Variants in DLEC1 observed in about 807,000 individuals in gnomAD.
DLEC1 encodes the protein DLEC1 cilia and flagella associated protein.
Under a neutral mutation model 198.1 loss-of-function variants are expected in DLEC1, and 146 were observed. The observed-to-expected ratio is 0.74, with a 90% CI of 0.64 to 0.85. The LOEUF is 0.85. Among genes scored for constraint, DLEC1 ranks in the 40% least tolerant of loss-of-function variants. The pLI is 0.00. For missense variants in DLEC1, 2,233 were observed against 2,220.0 expected (o/e 1.01, Z -0.12); for synonymous variants, 897 against 866.8 (o/e 1.03, Z -0.61).
At chr3:38,122,259 C>T in intron 36 of DLEC1, 30 bp from the exon 37 acceptor site, 8 of 1,608,388 alleles carry the variant, frequency 5.0e-6, no homozygotes, top group Non-Finnish European at 6.8e-6. Flanking sequence ...CAGGTGCCTC[C>T]TAACCTCAGC....
intron 2 of DLEC1, among the ~76,000 whole-genome samples, chr3:38,058,480 C>G (rs1696501276): frequency 6.6e-6 from 1 of 152,126 alleles, no homozygotes; most frequent in South Asian, 2.1e-4. Context: ...CACTCCCAGG[C>G]CAGCATTGCC....
chr3:38,114,302 C>T, intron 25 of DLEC1, 40 bp from the exon 26 acceptor site: 1 of 1,604,918 alleles, frequency 6.2e-7, no homozygotes, highest in Non-Finnish European at 8.5e-7. Flanking sequence ...GTGGTCGCAA[C>T]CGGTGACAGG....
chr3:38,084,437 G>GGTGGTGGTAGTAGTAGTGGTAGTAGTA (rs1698275297), intron 7 of DLEC1, among the ~76,000 whole-genome samples, 192 bp downstream of exon 7: 1 of 2,176 alleles, frequency 4.6e-4, no homozygotes, highest in Non-Finnish European at 9.2e-4. Flanking sequence ...TAGTAGTAGT[G>GGTGGTGGTAGTAGTAGTGGTAGTAGTA]GTGGTGGTGG....
chr3:38,076,279 C>T (rs566682760), intron 6 of DLEC1, among the ~76,000 whole-genome samples: 20 of 152,152 alleles, frequency 1.3e-4, no homozygotes, highest in East Asian at 3.9e-4. Context: ...GACCTGAGGT[C>T]GTAGGTGGTT....
chr3:38,122,489 C>T lies in DLEC1; in HGVS notation c.*77C>T. The T allele has an allele frequency of 6.2e-7, 1 of 1,613,136 alleles. No homozygotes were observed. Among genetic ancestry groups the T allele is most frequent in the South Asian group, 1.1e-5 (1 of 90,550 alleles). On this transcript the variant is annotated 3_prime_UTR_variant, in exon 37 of 37. Coordinates refer to ENST00000308059, the MANE Select transcript of DLEC1 (RefSeq NM_007335.4). ...CCAGGGATTAGGAGCAGCTCTTCAG[C>T]ACAAAGACACAGACTTGGGGACCTG...
chr3:38,116,950 G>A (rs1316782042), intron 29 of DLEC1, 25 bp from the exon 30 acceptor site: 8 of 1,613,316 alleles, frequency 5.0e-6, no homozygotes, highest in East Asian at 2.2e-5. Flanking sequence ...ATGGGACAGT[G>A]CTAAGGCTGC....
chr3:38,103,701 C>G (rs113557801), intron 19 of DLEC1: 1 of 152,272 alleles, frequency 6.6e-6, no homozygotes, highest in South Asian at 2.1e-4. Flanking sequence ...GAGATACGTA[C>G]GACTCTTCTT....
At position 38,084,309 on chromosome 3, in the gene DLEC1, ATAG is replaced by A. The variant is rs1353632998; in HGVS notation, c.1261+72_1261+74del. On this transcript the variant is annotated intron_variant, in intron 7 of 36. Coordinates refer to ENST00000308059, the MANE Select transcript of DLEC1 (RefSeq NM_007335.4). ...AATAGTAGTGGTGGTATTAGTAGTA[ATAG>A]TAGTAGTGGTGGTAGTAATGGTAGC... The A allele has an allele frequency of 2.3e-5, 32 of 1,387,960 alleles. 1 individual carries two copies. Among genetic ancestry groups the A allele is most frequent in the African/African-American group, 1.6e-4 (10 of 62,210 alleles). The allele number at this position is 1,387,960 out of a possible 1,614,324, so 86.0% of individuals were successfully genotyped here. A position where few individuals can be genotyped will look rare whatever the true frequency, so the allele number is the denominator to read the frequency against.
chr3:38,122,255 C>T (rs749260385), intron 36 of DLEC1, 34 bp from the exon 37 acceptor site: 2 of 1,607,028 alleles, frequency 1.2e-6, no homozygotes, highest in South Asian at 2.2e-5. Context: ...TGCCCAGGTG[C>T]CTCCTAACCT....
chr3:38,102,682 G>A (rs1699365714), intron 19 of DLEC1, among the ~76,000 whole-genome samples: 1 of 151,972 alleles, frequency 6.6e-6, no homozygotes, highest in Non-Finnish European at 1.5e-5. Context: ...TGAAGTACAT[G>A]TGAGTCACCA....
At chr3:38,074,632 T>C (rs1416774233) in intron 6 of DLEC1, among the ~76,000 whole-genome samples, 2 of 152,196 alleles carry the variant, frequency 1.3e-5, no homozygotes, top group Non-Finnish European at 1.5e-5. Context: ...GGTAGTTCCA[T>C]TGGGGATCCT....
intron 26 of DLEC1, among the ~76,000 whole-genome samples, 159 bp from the exon 27 acceptor site, chr3:38,114,824 G>C (rs986070012): frequency 6.6e-6 from 1 of 152,158 alleles, no homozygotes; most frequent in Non-Finnish European, 1.5e-5. Context: ...ACCTGGTGCC[G>C]CCTGGGGAAG....
Position 38,122,506 on chromosome 3 carries a change from G to C in DLEC1, c.*94G>C, listed in dbSNP as rs1206187495. 6.2e-7 allele frequency: 1 copy of C among 1,612,426 alleles called. No homozygotes were observed. Among genetic ancestry groups the C allele is most frequent in the Admixed American group, 1.7e-5 (1 of 59,980 alleles). On this transcript the variant is annotated 3_prime_UTR_variant, in exon 37 of 37. Coordinates refer to ENST00000308059, the MANE Select transcript of DLEC1 (RefSeq NM_007335.4). ...CTCTTCAGCACAAAGACACAGACTT[G>C]GGGACCTGGGGACCTCTGGGCAGCT...
In DLEC1 at chr3:38,107,583, G is replaced by C. The variant is rs2125716494; in HGVS notation, c.2865-1G>C. The C allele has an allele frequency of 1.3e-6, 2 of 1,599,248 alleles. No individual in the cohort carries two copies. Among genetic ancestry groups the C allele is most frequent in the Middle Eastern group, 3.3e-4 (2 of 6,032 alleles). ...ATGCCTTTTGTTTCCTCGTGTTCCA[G>C]CTACCTTCCTGTGTATGCTGAGGTA... On this transcript the variant is annotated splice_acceptor_variant, in intron 19 of 36. Coordinates refer to ENST00000308059, the MANE Select transcript of DLEC1 (RefSeq NM_007335.4). LOFTEE classifies it high-confidence loss of function.
chr3:38,069,773 C>G (rs892326746), intron 6 of DLEC1, among the ~76,000 whole-genome samples: 3 of 152,216 alleles, frequency 2.0e-5, no homozygotes, highest in Non-Finnish European at 4.4e-5. Context: ...GTGACAATAC[C>G]ATCCCATGGT....
At chr3:38,043,541 C>T (rs1057140133) in intron 1 of DLEC1, among the ~76,000 whole-genome samples, 36 of 152,160 alleles carry the variant, frequency 2.4e-4, no homozygotes, top group African/African-American at 8.7e-4. Context: ...TCTTAGCCTT[C>T]CATATATCCT....
At chr3:38,093,034 C>T (rs534654362) in intron 11 of DLEC1, among the ~76,000 whole-genome samples, 154 bp downstream of exon 11, 18 of 152,312 alleles carry the variant, frequency 1.2e-4, no homozygotes, top group African/African-American at 1.7e-4. Context: ...GCCAGAGTCT[C>T]GTTTCAGGCC....
intron 15 of DLEC1, 60 bp from the exon 16 acceptor site, chr3:38,097,122 A>G: frequency 7.1e-7 from 1 of 1,409,928 alleles, no homozygotes; most frequent in African/African-American, 1.4e-5. Flanking sequence ...GTCCTTCAGC[A>G]GGTACAGAAT....
chr3:38,110,327 G>T (rs752913104), intron 23 of DLEC1, 46 bp downstream of exon 23: 7 of 1,606,954 alleles, frequency 4.4e-6, no homozygotes, highest in Non-Finnish European at 6.0e-6. Context: ...AAGCTGGATG[G>T]GGTGTACCCT....
Sources: allele counts gnomAD v4.1 joint callset (sites outside exome capture counted in the v4.1 genomes callset), GRCh38; gene constraint gnomAD v4.1.1; transcripts MANE v1.5; gene names NCBI Gene and HGNC (gene_info 2026-07-23, HGNC 2026-07-21).